Variants in UGT2A3 observed in about 807,000 individuals in gnomAD.
UGT2A3 encodes the protein UDP-glucuronosyltransferase 2A3.
Under a neutral mutation model 44.1 loss-of-function variants are expected in UGT2A3, and 55 were observed. The observed-to-expected ratio is 1.25, with a 90% CI of 1.00 to 1.56. The LOEUF (loss-of-function observed/expected upper bound fraction) is 1.56, where lower values mean the gene tolerates loss of function less well. UGT2A3 is among the 40% of genes most tolerant of loss of function. The pLI is 0.00. For synonymous variants in UGT2A3, 243 were observed against 215.1 expected, an observed-to-expected ratio of 1.13 and a Z score of -1.13; for missense variants, 733 against 621.6, an observed-to-expected ratio of 1.18 and a Z score of -1.91.
chr4:68,930,131 A>G, intron 5 of UGT2A3, 39 bp from the exon 6 acceptor site: 1 of 1,564,752 alleles, frequency 6.4e-7, no homozygotes, highest in East Asian at 2.3e-5. Flanking sequence ...AGAAAGTTGT[A>G]GTTTTGTTTT....
Position 68,929,878 on chromosome 4 carries a change from T to C in UGT2A3, c.1519A>G (p.Thr507Ala), listed in dbSNP as rs181810897. The C allele has an allele frequency of 1.6e-5, 25 of 1,609,564 alleles. No homozygotes were observed. In the Admixed American group the frequency reaches 3.0e-4, roughly 20 times the overall value. Residue 507 changes from threonine (T) to alanine (A), a missense_variant, in exon 6 of 6, where the codon ACA (threonine) becomes GCA (alanine). Coordinates refer to ENST00000251566, the MANE Select transcript of UGT2A3 (RefSeq NM_024743.4). ...ACVATAIFLF[T>A]KCFLFSCQKF... ...TGACAGGAAAATAAAAAACATTTTG[T>C]GAACAAGAATATAGCAGTTGCCACA... is the stretch of plus-strand genomic sequence containing the variant.
At chr4:68,942,504 G>GATATATATATATATAT (rs34118122) in intron 2 of UGT2A3, among the ~76,000 whole-genome samples, 214 of 130,880 alleles carry the variant, frequency 1.6e-3, no homozygotes, top group Non-Finnish European at 2.6e-3. Flanking sequence ...TTCCACTGGA[G>GATATATATATATATAT]ATATATATAT....
intron 2 of UGT2A3, among the ~76,000 whole-genome samples, chr4:68,942,801 C>T (rs1329747407): frequency 6.6e-6 from 1 of 151,208 alleles, no homozygotes; most frequent in Non-Finnish European, 1.5e-5. Flanking sequence ...ATGGATACAA[C>T]GTTTAAATTT....
rs1371131719 is a variant in UGT2A3 at position 68,929,495 on chromosome 4, T to A, written c.*318A>T. On this transcript the variant is annotated 3_prime_UTR_variant, in exon 6 of 6. Transcript: ENST00000251566. ...CATGTGTTTGGGCGCACACCAGGAA[T>A]AATCATATTGCATGTCACCCTATCA... 9.9e-6 allele frequency: 2 copies of A among 201,118 alleles called. No individual in the cohort carries two copies. The highest frequency in any genetic ancestry group is 5.4e-5 in the Admixed American group (1 of 18,374). The allele number at this position is 201,118 out of a possible 1,614,324, so 12.5% of individuals were successfully genotyped here. A position where few individuals can be genotyped will look rare whatever the true frequency, so the allele number is the denominator to read the frequency against.
intron 5 of UGT2A3, 79 bp downstream of exon 5, chr4:68,930,467 A>C (rs1412738755): frequency 1.5e-6 from 2 of 1,309,662 alleles, no homozygotes; most frequent in Non-Finnish European, 2.1e-6. Flanking sequence ...CATGTCTACC[A>C]GGATGATATT....
Position 68,930,719 on chromosome 4 carries a change from C to T in UGT2A3, c.1131G>A (p.Gly377=), listed in dbSNP as rs370923797. 496 of 1,611,488 alleles carry T rather than the reference C, an allele frequency of 3.1e-4. 1 individual carries two copies. The highest frequency in any genetic ancestry group is 3.9e-4 in the Non-Finnish European group (463 of 1,178,864). The part of the protein sequence containing the change: ...KAFITHGGMN[G]IYEAIYHGVP... ...CCCCATGGTAAATAGCTTCATAGAT[C>T]CCATTCATTCCACCATGAGTGATAA... The change falls in exon 5 of 6, where the codon GGG becomes GGA. Residue 377 remains glycine, a synonymous_variant. Transcript: ENST00000251566.
chr4:68,945,474 G>A lies in UGT2A3; in HGVS notation c.716-20C>T. 1 of 1,571,502 alleles carries A rather than the reference G, an allele frequency of 6.4e-7. No homozygotes were observed. The highest frequency in any genetic ancestry group is 8.6e-7 in the Non-Finnish European group (1 of 1,158,466). On this transcript the variant is annotated intron_variant, in intron 1 of 5. Transcript: ENST00000251566. The stretch of plus-strand genomic sequence containing the variant: ...GCCTTCCTCAATAAAAGAAATAACA[G>A]AATGAATTAGCATACAATTCAAATA...
chr4:68,933,376 C>G (rs889020174), intron 2 of UGT2A3, among the ~76,000 whole-genome samples: 1 of 152,066 alleles, frequency 6.6e-6, no homozygotes, highest in Admixed American at 6.6e-5. Flanking sequence ...AAAATAGTTG[C>G]AACTGGACAT....
chr4:68,931,011 G>T, intron 4 of UGT2A3, 144 bp downstream of exon 4: 1 of 754,818 alleles, frequency 1.3e-6, no homozygotes, highest in Non-Finnish European at 2.1e-6. Flanking sequence ...TACAATTTTA[G>T]TCAATCCTTT....
rs374150227 is a variant in UGT2A3, at chr4:68,933,325, C to T, written c.865-566G>A. ...TTCTCCAAACCAAAATAGCATCAGT[C>T]ACAGAAAACTTCCCTGTACCTGCAA... On this transcript the variant is annotated intron_variant, in intron 2 of 5. Transcript: ENST00000251566. 3.9e-5 allele frequency among the ~76,000 whole-genome samples: 6 copies of T among 152,124 alleles called. No homozygotes were observed. In the South Asian group the frequency reaches 8.3e-4, roughly 21 times the overall value.
chr4:68,947,196 C>A (rs984817774), intron 1 of UGT2A3, among the ~76,000 whole-genome samples: 1 of 151,732 alleles, frequency 6.6e-6, no homozygotes, highest in Non-Finnish European at 1.5e-5. Flanking sequence ...TTCTCTCAAA[C>A]CTTGATGCTG....
Position 68,951,679 on chromosome 4 carries a change from C to T in UGT2A3, c.82G>A (p.Val28Met), listed in dbSNP as rs1284197010. The change falls in exon 1 of 6, where the codon GTG becomes ATG. Residue 28 changes from valine (V) to methionine (M), a missense_variant. By Grantham distance (21) the Val-to-Met change is conservative. Coordinates refer to ENST00000251566, the MANE Select transcript of UGT2A3 (RefSeq NM_024743.4). Reference protein sequence around the residue: ...VGCGFCGKVLVWPCDMSHWLN... With the variant: ...VGCGFCGKVLMWPCDMSHWLN... The stretch of plus-strand genomic sequence containing the variant: ...CAATGGCTCATGTCACAGGGCCACA[C>T]CAGGACTTTCCCACAGAATCCACAG... The T allele has an allele frequency of 6.2e-7, 1 of 1,611,634 alleles. No homozygotes were observed.
At chr4:68,942,504 G>GAGATATAT (rs1553902064) in intron 2 of UGT2A3, among the ~76,000 whole-genome samples, 1 of 131,032 alleles carries the variant, frequency 7.6e-6, no homozygotes, top group Non-Finnish European at 1.6e-5. Context: ...TTCCACTGGA[G>GAGATATAT]ATATATATAT....
rs866285690 is a variant in UGT2A3, at chr4:68,945,304, A to G, written c.864+2T>C. The G allele has an allele frequency of 9.3e-6, 15 of 1,610,896 alleles. No individual in the cohort carries two copies. The highest frequency in any genetic ancestry group is 1.3e-5 in the Non-Finnish European group (15 of 1,178,218). ...TAATATTCCTTAATACAATAGTCCT[A>G]CCTTAGGCAAAGCTTTGGCAGGTTT... On this transcript the variant is annotated splice_donor_variant, in intron 2 of 5. Coordinates refer to ENST00000251566, the MANE Select transcript of UGT2A3 (RefSeq NM_024743.4). LOFTEE classifies it high-confidence loss of function.
chr4:68,931,003 C>A, intron 4 of UGT2A3, 152 bp downstream of exon 4: 1 of 735,638 alleles, frequency 1.4e-6, no homozygotes. Context: ...TGAATCTATA[C>A]AATTTTAGTC....
At chr4:68,945,257 A>T in intron 2 of UGT2A3, 49 bp downstream of exon 2, 1 of 1,600,426 alleles carries the variant, frequency 6.2e-7, no homozygotes, top group Non-Finnish European at 8.5e-7. Context: ...TCAAGGGAAA[A>T]CAAGTCATGT....
intron 1 of UGT2A3, 35 bp from the exon 2 acceptor site, chr4:68,945,489 C>A: frequency 2.0e-6 from 3 of 1,513,906 alleles, no homozygotes; most frequent in Non-Finnish European, 2.7e-6. Context: ...AATTAGCATA[C>A]AATTCAAATA....
At chr4:68,934,604 G>T (rs1293421901) in intron 2 of UGT2A3, among the ~76,000 whole-genome samples, 2 of 151,928 alleles carry the variant, frequency 1.3e-5, no homozygotes, top group Non-Finnish European at 2.9e-5. Flanking sequence ...AGGCATAGAG[G>T]CTCATATCTA....
chr4:68,928,554 G>A lies in UGT2A3; in HGVS notation c.*1259C>T, dbSNP rs1717600516. 1.3e-5 allele frequency: 2 copies of A among 151,746 alleles called. No homozygotes were observed. Among genetic ancestry groups the A allele is most frequent in the South Asian group, 2.1e-4 (1 of 4,830 alleles). The allele number at this position is 151,746 out of a possible 1,614,324, so 9.4% of individuals were successfully genotyped here. A position where few individuals can be genotyped will look rare whatever the true frequency, so the allele number is the denominator to read the frequency against. On this transcript the variant is annotated 3_prime_UTR_variant, in exon 6 of 6. Transcript: ENST00000251566. ...ATTTTTATATCATCATTTTAAAATT[G>A]AAATTAATTTGTAGATATACCTAAT...
Sources: gnomAD v4.1 joint callset for allele counts (sites outside exome capture counted in the v4.1 genomes callset) on GRCh38, gnomAD v4.1.1 for gene constraint, MANE v1.5 for transcripts, NCBI Gene and HGNC (gene_info 2026-07-23, HGNC 2026-07-21) for gene names.